Variants in DNAH9 observed in about 807,000 individuals in gnomAD.
DNAH9 encodes DNAH9 variant protein.
Under a neutral mutation model 471.6 loss-of-function variants are expected in DNAH9, and 345 were observed. The ratio of observed to expected loss-of-function variants is 0.73; its 90% CI spans 0.67 to 0.80. The LOEUF (loss-of-function observed/expected upper bound fraction) is 0.80, where lower values mean the gene tolerates loss of function less well. Ranked by LOEUF, DNAH9 falls within the 30% of genes least tolerant of loss-of-function variation. The pLI is 0.00. For missense variants in DNAH9, 5,407 were observed against 5,609.2 expected (o/e 0.96, Z 1.15); for synonymous variants, 2,093 against 2,123.6 (o/e 0.99, Z 0.40).
chr17:11,672,462 G>A (rs941949553), intron 17 of DNAH9, among the ~76,000 whole-genome samples: 2 of 152,130 alleles, frequency 1.3e-5, no homozygotes, highest in Non-Finnish European at 2.9e-5. Context: ...AGGTGGGTAA[G>A]GTATGGTTGC....
intron 1 of DNAH9, among the ~76,000 whole-genome samples, chr17:11,606,443 CTTTTCTTTTCTTT>C (rs781379693): frequency 0.04 from 2,781 of 69,216 alleles, 121 homozygotes; most frequent in Admixed American, 0.055. Context: ...CTTTTCTTTT[CTTTTCTTTTCTTT>C]TTTTTTTTTT....
chr17:11,779,313 CT>C (rs900747781), intron 38 of DNAH9, among the ~76,000 whole-genome samples: 2 of 152,138 alleles, frequency 1.3e-5, no homozygotes, highest in Admixed American at 1.3e-4. Flanking sequence ...AACATCAACA[CT>C]TTTCCTGAAA....
chr17:11,933,700 C>T (rs140017724), intron 64 of DNAH9, among the ~76,000 whole-genome samples, 180 bp from the exon 65 acceptor site: 2 of 152,214 alleles, frequency 1.3e-5, no homozygotes, highest in East Asian at 3.9e-4. Context: ...TTTTAATGAA[C>T]TCCCCAAACA....
intron 43 of DNAH9, among the ~76,000 whole-genome samples, chr17:11,799,405 C>T (rs1412918023): frequency 6.6e-6 from 1 of 152,106 alleles, no homozygotes; most frequent in African/African-American, 2.4e-5. Flanking sequence ...CTCACTCTGT[C>T]GCCCAAGCTG....
intron 49 of DNAH9, among the ~76,000 whole-genome samples, chr17:11,838,744 A>G (rs138186883): frequency 9.0e-4 from 137 of 152,264 alleles, no homozygotes; most frequent in African/African-American, 2.9e-3. Flanking sequence ...GTGGCAATGC[A>G]TTACTGGGTT....
At chr17:11,929,829 T>C in intron 62 of DNAH9, 37 bp from the exon 63 acceptor site, 3 of 1,564,282 alleles carry the variant, frequency 1.9e-6, no homozygotes, top group Non-Finnish European at 2.6e-6. Context: ...GCTAAGCAGA[T>C]GCCTGTATTG....
chr17:11,762,770 G>GTTTTTTTTTTTTTTTTTTTTTTTTTTTTT (rs563544881), intron 35 of DNAH9, among the ~76,000 whole-genome samples: 2 of 90,794 alleles, frequency 2.2e-5, no homozygotes, highest in Non-Finnish European at 4.4e-5. Context: ...TTTTTTTTTT[G>GTTTTTTTTTTTTTTTTTTTTTTTTTTTTT]TTTTTTTTTT....
chr17:11,778,409 TGAG>T (rs1331186301), intron 38 of DNAH9, among the ~76,000 whole-genome samples: 16 of 142,844 alleles, frequency 1.1e-4, no homozygotes, highest in Admixed American at 7.1e-4. Context: ...GAGCAGAGCT[TGAG>T]GAGGAGAACA....
intron 49 of DNAH9, among the ~76,000 whole-genome samples, chr17:11,850,758 C>G (rs1028565254): frequency 6.6e-6 from 1 of 152,192 alleles, no homozygotes; most frequent in Admixed American, 6.5e-5. Flanking sequence ...CTTAACCAAA[C>G]AAGATCTTTA....
At chr17:11,712,582 T>G (rs2074890473) in intron 26 of DNAH9, among the ~76,000 whole-genome samples, 1 of 152,174 alleles carries the variant, frequency 6.6e-6, no homozygotes, top group African/African-American at 2.4e-5. Flanking sequence ...TGACAATATT[T>G]ACTATTGTCC....
intron 67 of DNAH9, among the ~76,000 whole-genome samples, chr17:11,949,683 G>A (rs1035181243): frequency 3.3e-5 from 5 of 152,136 alleles, no homozygotes; most frequent in Non-Finnish European, 7.4e-5. Flanking sequence ...GTTTCTCCAT[G>A]TTGGTCAGGC....
chr17:11,844,654 C>T (rs573925972), intron 49 of DNAH9, among the ~76,000 whole-genome samples: 1 of 152,302 alleles, frequency 6.6e-6, no homozygotes, highest in African/African-American at 2.4e-5. Flanking sequence ...ATCCACCTGC[C>T]TCAGCCTCCC....
At position 11,623,756 on chromosome 17, in the gene DNAH9, T is replaced by C. The variant is rs1307371069; in HGVS notation, c.1350+3975T>C. Among the ~76,000 whole-genome samples, 1 of 152,234 alleles carries C rather than the reference T, an allele frequency of 6.6e-6. No individual in the cohort carries two copies. The highest frequency in any genetic ancestry group is 1.5e-5 in the Non-Finnish European group (1 of 68,042). On this transcript the variant is annotated intron_variant, in intron 6 of 68. Coordinates refer to ENST00000262442, the MANE Select transcript of DNAH9 (RefSeq NM_001372.4). This position sits in a 1 kb window ranked among gnomAD's most constrained non-coding sequence, Gnocchi z 4.1. ...CAATCTATGGCCACTGAGATGATGG[T>C]AGCTGCAATTAATAAATACATGAAA...
Position 11,598,705 on chromosome 17 carries a change from G to A in DNAH9, c.207G>A (p.Arg69=), listed in dbSNP as rs888544470. The A allele has an allele frequency of 1.5e-6, 2 of 1,373,360 alleles. No homozygotes were observed. The highest frequency in any genetic ancestry group is 3.7e-5 in the Admixed American group (1 of 26,672). 85.1% of individuals were successfully genotyped at this position (1,373,360 alleles called of 1,614,324 possible). A position where few individuals can be genotyped will look rare whatever the true frequency, so the allele number is the denominator to read the frequency against. The change falls in exon 1 of 69, where the codon CGG becomes CGA. Residue 69 remains arginine (R), a synonymous_variant. Transcript: ENST00000262442. ...FLGRDAAEGP[R]PLLVVRPGPR... ...GCCGCGATGCTGCCGAGGGGCCGCG[G>A]CCGCTGCTGGTGGTGCGGCCCGGGC...
At chr17:11,833,438 G>C (rs1171062433) in intron 48 of DNAH9, among the ~76,000 whole-genome samples, 1 of 152,166 alleles carries the variant, frequency 6.6e-6, no homozygotes, top group Non-Finnish European at 1.5e-5. Flanking sequence ...GCAGAAAAGT[G>C]AAAAAACTTT....
chr17:11,861,201 A>C (rs1046941856), intron 50 of DNAH9, among the ~76,000 whole-genome samples: 2 of 150,426 alleles, frequency 1.3e-5, no homozygotes, highest in Non-Finnish European at 3.0e-5. Context: ...AACAGTCCCC[A>C]GAGTGTGATG....
intron 50 of DNAH9, among the ~76,000 whole-genome samples, chr17:11,860,507 T>C (rs947644282): frequency 6.6e-6 from 1 of 152,186 alleles, no homozygotes; most frequent in African/African-American, 2.4e-5. Flanking sequence ...AGTTGCTAAT[T>C]TTTTGTGCAC....
intron 67 of DNAH9, among the ~76,000 whole-genome samples, chr17:11,953,263 G>C (rs766910127): frequency 6.6e-6 from 1 of 152,216 alleles, no homozygotes; most frequent in East Asian, 1.9e-4. Context: ...CTGACTTACC[G>C]TTGGAGCATG....
At chr17:11,867,537 G>T (rs1185376304) in intron 50 of DNAH9, among the ~76,000 whole-genome samples, 4 of 152,024 alleles carry the variant, frequency 2.6e-5, no homozygotes, top group African/African-American at 9.7e-5. Context: ...TCTTGAATCT[G>T]TCTGAGAAAC....
Sources: allele counts gnomAD v4.1 joint callset (sites outside exome capture counted in the v4.1 genomes callset), GRCh38; gene constraint gnomAD v4.1.1; non-coding constraint Gnocchi (gnomAD v3.1); transcripts MANE v1.5; gene names NCBI Gene and HGNC (gene_info 2026-07-23, HGNC 2026-07-21).